Variants in FRMD4B observed in about 807,000 individuals in gnomAD.
The protein encoded by FRMD4B is FERM domain containing 4B.
FRMD4B carries 74 observed loss-of-function variants against 141.5 expected under a neutral mutation model. The ratio of observed to expected loss-of-function variants is 0.52; its 90% CI spans 0.43 to 0.63. FRMD4B has a LOEUF of 0.63. FRMD4B is among the 30% of genes least tolerant of loss of function. The pLI is 0.00. For synonymous variants in FRMD4B, 506 were observed against 467.9 expected, an observed-to-expected ratio of 1.08 and a Z score of -1.05; for missense variants, 1,366 against 1,253.4, an observed-to-expected ratio of 1.09 and a Z score of -1.36.
chr3:69,366,925 T>C (rs940855653), intron 1 of FRMD4B, among the ~76,000 whole-genome samples: 20 of 151,994 alleles, frequency 1.3e-4, no homozygotes, highest in Non-Finnish European at 2.8e-4. Flanking sequence ...GTTGCCACTA[T>C]GCCCGACTAA....
At chr3:69,307,135 T>C (rs1701422230) in intron 3 of FRMD4B, among the ~76,000 whole-genome samples, 1 of 151,992 alleles carries the variant, frequency 6.6e-6, no homozygotes, top group African/African-American at 2.4e-5. Flanking sequence ...GACTCTGCCG[T>C]CACTTGCCGG....
intron 2 of FRMD4B, among the ~76,000 whole-genome samples, chr3:69,415,335 A>G (rs2106792434): frequency 6.6e-6 from 1 of 152,324 alleles, no homozygotes; most frequent in Admixed American, 6.5e-5. Flanking sequence ...CAGAGTCACA[A>G]GATACTATGG....
intron 1 of FRMD4B, chr3:69,320,829 C>T (rs1022912333): frequency 3.9e-5 from 6 of 152,216 alleles, no homozygotes; most frequent in African/African-American, 1.4e-4. Context: ...TACCTTCTCC[C>T]CTCATGGAAC....
chr3:69,323,608 G>GTGTA lies in FRMD4B; in HGVS notation c.163-10092_163-10091insTACA, dbSNP rs1263800285. 1.5e-4 allele frequency among the ~76,000 whole-genome samples: 15 copies of GTGTA among 101,694 alleles called. No homozygotes were observed. In the East Asian group the frequency reaches 2.6e-3, roughly 18 times the overall value. The allele number at this position is 101,694 out of a possible 152,430, so 66.7% of individuals were successfully genotyped here. On this transcript the variant is annotated intron_variant, in intron 1 of 22. Transcript: ENST00000398540. ...CCCAACTCTCTCTCTCTCTCTCTGT[G>GTGTA]TATATATATATATATATATATATAT... is the stretch of plus-strand genomic sequence containing the variant.
At chr3:69,279,117 T>G (rs779608225) in intron 5 of FRMD4B, among the ~76,000 whole-genome samples, 1 of 152,070 alleles carries the variant, frequency 6.6e-6, no homozygotes, top group Non-Finnish European at 1.5e-5. Flanking sequence ...CACATACAAA[T>G]GAAAAAATCC....
intron 1 of FRMD4B, among the ~76,000 whole-genome samples, chr3:69,371,040 AT>A (rs1703810303): frequency 6.6e-6 from 1 of 152,238 alleles, no homozygotes; most frequent in Non-Finnish European, 1.5e-5. Context: ...GAACAAATAT[AT>A]TCATAGAGTC....
chr3:69,301,551 A>G (rs964791966), intron 4 of FRMD4B, among the ~76,000 whole-genome samples: 1 of 152,008 alleles, frequency 6.6e-6, no homozygotes, highest in South Asian at 2.1e-4. Context: ...GCTGTTCTCA[A>G]ACTCCTAACC....
At chr3:69,448,827 A>G (rs1187015840) in intron 1 of FRMD4B, among the ~76,000 whole-genome samples, 1 of 152,244 alleles carries the variant, frequency 6.6e-6, no homozygotes, top group Non-Finnish European at 1.5e-5. Flanking sequence ...TATGGTTAGA[A>G]TGTCCACATT....
intron 1 of FRMD4B, among the ~76,000 whole-genome samples, chr3:69,506,716 G>A (rs550480489): frequency 6.6e-6 from 1 of 151,864 alleles, no homozygotes; most frequent in African/African-American, 2.4e-5. Context: ...ATTTTTTTGG[G>A]GGGGGTGGGT....
At chr3:69,378,039 C>T (rs757042818) in intron 1 of FRMD4B, among the ~76,000 whole-genome samples, 7 of 149,592 alleles carry the variant, frequency 4.7e-5, no homozygotes, top group Admixed American at 2.0e-4. Context: ...CAGCTGGTCT[C>T]GAACTCCTGG....
At chr3:69,183,534 G>A (rs940627835) in intron 19 of FRMD4B, among the ~76,000 whole-genome samples, 3 of 142,468 alleles carry the variant, frequency 2.1e-5, no homozygotes, top group African/African-American at 8.0e-5. Flanking sequence ...CCAGGCTGGA[G>A]TGCAGTGGTG....
At chr3:69,235,810 T>C (rs901937367) in intron 7 of FRMD4B, among the ~76,000 whole-genome samples, 1 of 152,098 alleles carries the variant, frequency 6.6e-6, no homozygotes, top group Non-Finnish European at 1.5e-5. Context: ...TTCATGGATA[T>C]GAAAACAGAG....
intron 2 of FRMD4B, among the ~76,000 whole-genome samples, chr3:69,421,254 C>G (rs1704974150): frequency 6.6e-6 from 1 of 152,210 alleles, no homozygotes; most frequent in Admixed American, 6.5e-5. Flanking sequence ...CTGGTGCCAG[C>G]TCTAGTATTA....
intron 1 of FRMD4B, among the ~76,000 whole-genome samples, chr3:69,472,938 C>CTTT (rs71618285): frequency 9.2e-6 from 1 of 108,330 alleles, no homozygotes; most frequent in Non-Finnish European, 1.8e-5. Context: ...TTTTTTTTTT[C>CTTT]TTTTTTTTTT....
chr3:69,247,090 T>C (rs2093430386), intron 7 of FRMD4B, among the ~76,000 whole-genome samples: 1 of 152,058 alleles, frequency 6.6e-6, no homozygotes, highest in Non-Finnish European at 1.5e-5. Context: ...CCAGATAGGA[T>C]GATAGTAATA....
At chr3:69,207,091 C>T (rs1241569727) in intron 11 of FRMD4B, among the ~76,000 whole-genome samples, 1 of 151,252 alleles carries the variant, frequency 6.6e-6, no homozygotes, top group Non-Finnish European at 1.5e-5. Flanking sequence ...TCACTTGAGG[C>T]CATGAGTTCA....
chr3:69,225,141 A>G (rs1026899307), intron 7 of FRMD4B, among the ~76,000 whole-genome samples: 3 of 152,140 alleles, frequency 2.0e-5, no homozygotes, highest in Non-Finnish European at 4.4e-5. Flanking sequence ...GTAGTCTTTT[A>G]TATTACTCTT....
intron 1 of FRMD4B, among the ~76,000 whole-genome samples, chr3:69,440,694 G>C (rs1705329597): frequency 6.6e-6 from 1 of 152,152 alleles, no homozygotes; most frequent in Admixed American, 6.5e-5. Flanking sequence ...TGTAATCCCA[G>C]CTACTTGAGG....
chr3:69,368,596 C>T (rs1160223257), intron 1 of FRMD4B, among the ~76,000 whole-genome samples: 1 of 152,194 alleles, frequency 6.6e-6, no homozygotes, highest in Non-Finnish European at 1.5e-5. Context: ...CACTCTTCTG[C>T]CTTACACTTG....
Sources: allele counts gnomAD v4.1 joint callset (sites outside exome capture counted in the v4.1 genomes callset), GRCh38; gene constraint gnomAD v4.1.1; transcripts MANE v1.5; gene names NCBI Gene and HGNC (gene_info 2026-07-23, HGNC 2026-07-21).